The following GALNTL6 variants were observed in gnomAD, a reference collection of about 807,000 sequenced individuals.
The protein encoded by GALNTL6 is polypeptide N-acetylgalactosaminyltransferase like 6, also known as polypeptide N-acetylgalactosaminyltransferase-like 6.
Under a neutral mutation model 73.7 loss-of-function variants are expected in GALNTL6, and 46 were observed. The ratio of observed to expected loss-of-function variants is 0.62; its 90% CI spans 0.49 to 0.80. The LOEUF (loss-of-function observed/expected upper bound fraction) is 0.80, where lower values mean the gene tolerates loss of function less well. Ranked by LOEUF, GALNTL6 falls within the 30% of genes least tolerant of loss-of-function variation. The pLI, the probability that GALNTL6 is intolerant of heterozygous loss-of-function variation, is 0.00. For synonymous variants in GALNTL6, 259 were observed against 263.7 expected (o/e 0.98, Z 0.17); for missense variants, 604 against 755.0 (o/e 0.80, Z 2.34).
At chr4:172,695,448 A>G (rs1733624829) in intron 5 of GALNTL6, among the ~76,000 whole-genome samples, 1 of 152,208 alleles carries the variant, frequency 6.6e-6, no homozygotes, top group Non-Finnish European at 1.5e-5. Context: ...AATGGAAAGG[A>G]TAATAATTTT....
chr4:171,893,632 T>G (rs997041673), intron 2 of GALNTL6, among the ~76,000 whole-genome samples: 4 of 152,188 alleles, frequency 2.6e-5, no homozygotes, highest in Non-Finnish European at 5.9e-5. Context: ...CCACAGCTAG[T>G]TGGGATCCCC....
chr4:172,612,035 T>A (rs995739737), intron 5 of GALNTL6, among the ~76,000 whole-genome samples: 18 of 152,200 alleles, frequency 1.2e-4, no homozygotes, highest in Non-Finnish European at 2.5e-4. Flanking sequence ...CATCTATTTT[T>A]TGAAAAAGTA....
At chr4:172,930,341 C>T (rs73002069) in intron 8 of GALNTL6, among the ~76,000 whole-genome samples, 363 of 151,640 alleles carry the variant, frequency 2.4e-3, no homozygotes, top group African/African-American at 5.9e-3. Context: ...AGATCAGTGG[C>T]GGGGGGAGAA....
At chr4:172,109,678 C>A (rs189699540) in intron 2 of GALNTL6, among the ~76,000 whole-genome samples, 39 of 152,218 alleles carry the variant, frequency 2.6e-4, no homozygotes, top group African/African-American at 7.0e-4. Flanking sequence ...TGGATAGAAA[C>A]AATTTAAATG....
At chr4:171,969,127 G>C (rs542060586) in intron 2 of GALNTL6, among the ~76,000 whole-genome samples, 1 of 152,050 alleles carries the variant, frequency 6.6e-6, no homozygotes, top group African/African-American at 2.4e-5. Flanking sequence ...GAGCCACCGC[G>C]CCTGGCCTAT....
At chr4:171,850,894 GC>G (rs1277344093) in intron 2 of GALNTL6, among the ~76,000 whole-genome samples, 1 of 152,256 alleles carries the variant, frequency 6.6e-6, no homozygotes, top group East Asian at 1.9e-4. Flanking sequence ...CATTCCAGGA[GC>G]TATTACTGGG....
intron 7 of GALNTL6, among the ~76,000 whole-genome samples, chr4:172,879,590 G>C (rs935009524): frequency 2.0e-5 from 3 of 151,812 alleles, no homozygotes; most frequent in African/African-American, 7.2e-5. Context: ...ATAAGAACAT[G>C]ATGTATTCTT....
At chr4:172,044,632 T>A (rs1217230874) in intron 2 of GALNTL6, among the ~76,000 whole-genome samples, 14 of 152,012 alleles carry the variant, frequency 9.2e-5, no homozygotes. Flanking sequence ...TGCTGAGAAG[T>A]GTCACAATTG....
chr4:172,760,611 C>T (rs1211165343), intron 5 of GALNTL6, among the ~76,000 whole-genome samples: 2 of 152,110 alleles, frequency 1.3e-5, no homozygotes, highest in African/African-American at 4.8e-5. Context: ...AAATAACATG[C>T]CCTGGCCTGC....
At chr4:172,610,654 A>C (rs1016772304) in intron 5 of GALNTL6, among the ~76,000 whole-genome samples, 1 of 152,000 alleles carries the variant, frequency 6.6e-6, no homozygotes, top group Non-Finnish European at 1.5e-5. Flanking sequence ...ATTAGACTGT[A>C]TATTCTGTTG....
rs147495199 is a variant in GALNTL6, at chr4:172,870,368, G to A, written c.924-12422G>A. Among the ~76,000 whole-genome samples, 198 of 152,200 alleles carry A rather than the reference G, an allele frequency of 1.3e-3. 1 individual carries two copies. The highest frequency in any genetic ancestry group is 2.8e-3 in the African/African-American group (118 of 41,526). On this transcript the variant is annotated intron_variant, in intron 7 of 12. Coordinates refer to ENST00000506823, the MANE Select transcript of GALNTL6 (RefSeq NM_001034845.3). ...AGGCTTAAACCACCACGTCCAGCCT[G>A]AGCAAATTTCTATATTGTCCTTTTA...
At chr4:171,907,220 T>A (rs561380761) in intron 2 of GALNTL6, among the ~76,000 whole-genome samples, 1 of 152,160 alleles carries the variant, frequency 6.6e-6, no homozygotes, top group African/African-American at 2.4e-5. Context: ...AGTTTGCAGA[T>A]GACATGATTG....
intron 7 of GALNTL6, among the ~76,000 whole-genome samples, chr4:172,871,814 C>T (rs1210477423): frequency 4.0e-5 from 6 of 151,172 alleles, no homozygotes; most frequent in Non-Finnish European, 5.9e-5. Context: ...GATGGAGTTT[C>T]GCTCTTTCAC....
At chr4:172,472,972 T>G (rs146603149) in intron 5 of GALNTL6, among the ~76,000 whole-genome samples, 1 of 152,316 alleles carries the variant, frequency 6.6e-6, no homozygotes, top group African/African-American at 2.4e-5. Flanking sequence ...ATTTAGTAAG[T>G]GGCAGGTACA....
intron 7 of GALNTL6, among the ~76,000 whole-genome samples, chr4:172,848,916 G>T (rs954273544): frequency 2.0e-5 from 3 of 152,150 alleles, no homozygotes; most frequent in African/African-American, 7.2e-5. Context: ...ACTGTCATTT[G>T]TTTTCAACAA....
At chr4:171,839,881 C>G (rs185048700) in intron 2 of GALNTL6, among the ~76,000 whole-genome samples, 4 of 152,130 alleles carry the variant, frequency 2.6e-5, no homozygotes, top group Non-Finnish European at 4.4e-5. Context: ...ATTCATGAGT[C>G]TAAGAGACTT....
chr4:171,923,530 A>T (rs1316703231), intron 2 of GALNTL6, among the ~76,000 whole-genome samples: 2 of 149,534 alleles, frequency 1.3e-5, no homozygotes, highest in Non-Finnish European at 1.5e-5. Context: ...CCAGAGTAGC[A>T]GGGACTACAG....
intron 5 of GALNTL6, among the ~76,000 whole-genome samples, chr4:172,760,624 C>CCTCCACTGCCTGCGAT (rs1738028252): frequency 6.6e-6 from 1 of 152,140 alleles, no homozygotes; most frequent in Admixed American, 6.5e-5. Context: ...TGGCCTGCAA[C>CCTCCACTGCCTGCGAT]TTCCTAGCCA....
intron 5 of GALNTL6, among the ~76,000 whole-genome samples, chr4:172,541,128 A>T (rs555032120): frequency 6.6e-6 from 1 of 152,280 alleles, no homozygotes; most frequent in East Asian, 1.9e-4. Context: ...TATACCAGTC[A>T]GTTTGGAAGG....
Sources: allele counts gnomAD v4.1 joint callset (sites outside exome capture counted in the v4.1 genomes callset), GRCh38; gene constraint gnomAD v4.1.1; transcripts MANE v1.5; gene names NCBI Gene and HGNC (gene_info 2026-07-23, HGNC 2026-07-21).